Variants in RB1 observed in about 807,000 individuals in gnomAD.
The protein encoded by RB1 is RB transcriptional corepressor 1.
In RB1, 18 loss-of-function variants were observed where a neutral mutation model predicts 135.4. The observed-to-expected ratio is 0.13, with a 90% CI of 0.09 to 0.20. The LOEUF is 0.20. Among genes scored for constraint, RB1 ranks in the 10% least tolerant of loss-of-function variants. The pLI is 1.00. For missense variants in RB1, 868 were observed against 1,110.0 expected, an observed-to-expected ratio of 0.78 and a Z score of 3.10; for synonymous variants, 365 against 373.2, an observed-to-expected ratio of 0.98 and a Z score of 0.25.
intron 2 of RB1, chr13:48,332,992 A>T (rs1022372337): frequency 2.5e-5 from 10 of 398,370 alleles, no homozygotes; most frequent in African/African-American, 1.6e-4. Flanking sequence ...AAGTATGTGA[A>T]TGTAGTCTGT....
chr13:48,316,353 G>C (rs925554910), intron 2 of RB1, among the ~76,000 whole-genome samples: 6 of 152,186 alleles, frequency 3.9e-5, no homozygotes, highest in African/African-American at 1.4e-4. Flanking sequence ...AGCGATTCCC[G>C]GGGAGGGCAG....
At chr13:48,451,032 T>A (rs1949324032) in intron 17 of RB1, among the ~76,000 whole-genome samples, 1 of 152,190 alleles carries the variant, frequency 6.6e-6, no homozygotes, top group South Asian at 2.1e-4. Flanking sequence ...TGATTTTGTA[T>A]CTGAGAGTTT....
chr13:48,460,317 G>A (rs887406943), intron 20 of RB1, among the ~76,000 whole-genome samples: 1 of 151,954 alleles, frequency 6.6e-6, no homozygotes, highest in Non-Finnish European at 1.5e-5. Flanking sequence ...TGAGAAACTA[G>A]ATCAATTTAT....
At chr13:48,345,840 A>C (rs1952489304) in intron 4 of RB1, among the ~76,000 whole-genome samples, 1 of 152,180 alleles carries the variant, frequency 6.6e-6, no homozygotes, top group South Asian at 2.1e-4. Flanking sequence ...GCAATTGTGT[A>C]ATAGCATGGT....
rs138443793 is a variant in RB1, at chr13:48,369,897, C to A, written c.1127+1293C>A. ...TTGTGTTTGCTTGCTTTTACTAATACCCAAAATAGCCTTAAAATTCCATAT... is the reference window on the plus strand; with the variant it reads ...TTGTGTTTGCTTGCTTTTACTAATAACCAAAATAGCCTTAAAATTCCATAT... On this transcript the variant is annotated intron_variant, in intron 11 of 26. Coordinates refer to ENST00000267163, the MANE Select transcript of RB1 (RefSeq NM_000321.3). Among the ~76,000 whole-genome samples the A allele has an allele frequency of 1.4e-3, 207 of 152,204 alleles. 1 individual carries two copies. The highest frequency in any genetic ancestry group is 4.8e-3 in the African/African-American group (200 of 41,524).
At chr13:48,330,851 A>G (rs1429871501) in intron 2 of RB1, among the ~76,000 whole-genome samples, 1 of 152,212 alleles carries the variant, frequency 6.6e-6, no homozygotes, top group Non-Finnish European at 1.5e-5. Context: ...TCACAAGAAA[A>G]GAAGATTATA....
At chr13:48,466,495 G>A (rs1462660422) in intron 23 of RB1, among the ~76,000 whole-genome samples, 1 of 151,306 alleles carries the variant, frequency 6.6e-6, no homozygotes, top group Non-Finnish European at 1.5e-5. Context: ...CTAAAACGCA[G>A]AGCGCCTCTC....
intron 6 of RB1, among the ~76,000 whole-genome samples, chr13:48,359,002 G>A (rs1471515882): frequency 6.6e-6 from 1 of 151,998 alleles, no homozygotes; most frequent in Non-Finnish European, 1.5e-5. Context: ...AAGATGCAAC[G>A]TTATCTGTTT....
intron 8 of RB1, among the ~76,000 whole-genome samples, 193 bp from the exon 9 acceptor site, chr13:48,364,701 C>G (rs924669106): frequency 3.9e-5 from 6 of 152,076 alleles, no homozygotes; most frequent in African/African-American, 1.4e-4. Flanking sequence ...CTGTGAATAG[C>G]CACTACACTT....
At chr13:48,441,432 CAT>C (rs909271256) in intron 17 of RB1, among the ~76,000 whole-genome samples, 1 of 152,144 alleles carries the variant, frequency 6.6e-6, no homozygotes, top group African/African-American at 2.4e-5. Context: ...GAAGTAGTAA[CAT>C]GTGCATATCA....
At chr13:48,310,130 T>C (rs1001600181) in intron 2 of RB1, among the ~76,000 whole-genome samples, 27 of 152,198 alleles carry the variant, frequency 1.8e-4, no homozygotes, top group Admixed American at 1.7e-3. Flanking sequence ...CCTTGAAATA[T>C]GATTTTAAGT....
At chr13:48,332,727 A>G (rs1442427432) in intron 2 of RB1, among the ~76,000 whole-genome samples, 1 of 152,232 alleles carries the variant, frequency 6.6e-6, no homozygotes, top group African/African-American at 2.4e-5. Flanking sequence ...CAAAATGGTG[A>G]CTATGTGAAG....
intron 2 of RB1, among the ~76,000 whole-genome samples, chr13:48,324,930 C>G (rs1307591426): frequency 7.9e-5 from 12 of 151,174 alleles, no homozygotes; most frequent in African/African-American, 2.4e-4. Flanking sequence ...ATGGCATATG[C>G]ATCAACAATT....
chr13:48,429,028 C>A (rs1370636953), intron 17 of RB1, among the ~76,000 whole-genome samples: 2 of 152,158 alleles, frequency 1.3e-5, no homozygotes, highest in African/African-American at 4.8e-5. Flanking sequence ...TACCTGAATT[C>A]TTTTGCTCCC....
chr13:48,313,991 G>T (rs532386378), intron 2 of RB1, among the ~76,000 whole-genome samples: 3 of 151,804 alleles, frequency 2.0e-5, no homozygotes, highest in Non-Finnish European at 4.4e-5. Flanking sequence ...CCTCGTGATC[G>T]CCCACCTCGG....
chr13:48,304,198 G>A (rs2138028777), intron 1 of RB1, 149 bp downstream of exon 1: 2 of 921,056 alleles, frequency 2.2e-6, no homozygotes, highest in Admixed American at 4.3e-5. Flanking sequence ...CCGCCACGGC[G>A]GAGCGTCTGC....
intron 17 of RB1, among the ~76,000 whole-genome samples, chr13:48,431,222 C>T (rs1949126546): frequency 6.6e-6 from 1 of 152,040 alleles, no homozygotes; most frequent in Non-Finnish European, 1.5e-5. Context: ...AAAAGTGGTT[C>T]TCAGTTTTAG....
At chr13:48,306,309 G>A (rs1387612266) in intron 1 of RB1, among the ~76,000 whole-genome samples, 1 of 152,224 alleles carries the variant, frequency 6.6e-6, no homozygotes, top group East Asian at 1.9e-4. Context: ...GGAGGCTGAG[G>A]TGGGAGGATC....
In RB1 at chr13:48,412,694, G is replaced by A. The variant is rs1006524960; in HGVS notation, c.1695+31251G>A. 27 of 491,578 alleles carry A rather than the reference G, an allele frequency of 5.5e-5. 1 individual carries two copies. Among genetic ancestry groups the A allele is most frequent in the East Asian group, 8.0e-5 (2 of 24,886 alleles). The allele number at this position is 491,578 out of a possible 1,614,324, so 30.5% of individuals were successfully genotyped here. On this transcript the variant is annotated intron_variant, in intron 17 of 26. Coordinates refer to ENST00000267163, the MANE Select transcript of RB1 (RefSeq NM_000321.3). The stretch of plus-strand genomic sequence containing the variant: ...GAATTCCAAGGCTCAGTTAACTGAC[G>A]AGCAACCTTTAAAAAATACAGTCAA...
Sources: allele counts gnomAD v4.1 joint callset (sites outside exome capture counted in the v4.1 genomes callset), GRCh38; gene constraint gnomAD v4.1.1; transcripts MANE v1.5; gene names NCBI Gene and HGNC (gene_info 2026-07-23, HGNC 2026-07-21).